ADIPOR2: variants seen among roughly 807,000 people sequenced by gnomAD.
The protein encoded by ADIPOR2 is adiponectin receptor 2.
ADIPOR2 carries 18 observed loss-of-function variants against 40.9 expected under a neutral mutation model. The observed-to-expected ratio is 0.44, with a 90% confidence interval of 0.30 to 0.65. ADIPOR2 has a LOEUF of 0.65. Ranked by LOEUF, ADIPOR2 falls within the 30% of genes least tolerant of loss-of-function variation. The probability of loss-of-function intolerance (pLI) is 0.09; values close to 1 mark genes in which losing one functional copy is unlikely to be tolerated. For synonymous variants in ADIPOR2, 165 were observed against 166.4 expected (o/e 0.99, Z 0.06); for missense variants, 283 against 479.2 (o/e 0.59, Z 3.82).
chr12:1,735,154 G>A (rs138584247), intron 1 of ADIPOR2, among the ~76,000 whole-genome samples: 2,292 of 152,174 alleles, frequency 0.015, 23 homozygotes, highest in Middle Eastern at 0.054. Context: ...AGCTTGATGG[G>A]GATGGCATTG....
At chr12:1,731,660 C>A (rs1389638923) in intron 1 of ADIPOR2, among the ~76,000 whole-genome samples, 1 of 152,122 alleles carries the variant, frequency 6.6e-6, no homozygotes, top group East Asian at 1.9e-4. Flanking sequence ...TAGCATATAT[C>A]AAAATTTTAT....
intron 1 of ADIPOR2, among the ~76,000 whole-genome samples, chr12:1,720,770 C>G (rs2094696326): frequency 1.3e-5 from 2 of 152,122 alleles, no homozygotes; most frequent in Admixed American, 1.3e-4. Context: ...GTTGGGGACC[C>G]CTGCTGTATA....
intron 1 of ADIPOR2, among the ~76,000 whole-genome samples, chr12:1,744,838 T>C (rs1343059744): frequency 6.6e-6 from 1 of 152,254 alleles, no homozygotes; most frequent in African/African-American, 2.4e-5. Flanking sequence ...AACTTTATTC[T>C]CAATATAAGC....
chr12:1,742,052 G>C (rs1243148735), intron 1 of ADIPOR2, among the ~76,000 whole-genome samples: 1 of 151,266 alleles, frequency 6.6e-6, no homozygotes. Context: ...CTCCCAATGA[G>C]GAGTCAGAGA....
rs769648929 is a variant in ADIPOR2, at chr12:1,749,590, C to T, written c.-86-4668C>T. Among the ~76,000 whole-genome samples, 23 of 152,180 alleles carry T rather than the reference C, an allele frequency of 1.5e-4. 1 individual carries two copies. Among genetic ancestry groups the T allele is most frequent in the Non-Finnish European group, 2.6e-4 (18 of 68,028 alleles). ...TACTCTATGTGTGTATTCTTTTGCT[C>T]ATACCAACACAGTCTTGACTAGCTA... On this transcript the variant is annotated intron_variant, in intron 1 of 7. Coordinates refer to ENST00000357103, the MANE Select transcript of ADIPOR2 (RefSeq NM_024551.3).
intron 1 of ADIPOR2, among the ~76,000 whole-genome samples, chr12:1,705,300 C>T (rs1022653977): frequency 1.3e-5 from 2 of 152,068 alleles, no homozygotes; most frequent in South Asian, 2.1e-4. Context: ...ATATATAATC[C>T]TAGATTTTTC....
intron 2 of ADIPOR2, among the ~76,000 whole-genome samples, chr12:1,770,612 C>G (rs1030206779): frequency 6.6e-6 from 1 of 152,082 alleles, no homozygotes; most frequent in Admixed American, 6.5e-5. Context: ...TGAAAGTCTC[C>G]TAGAGCATTT....
At chr12:1,705,516 C>T (rs1375466671) in intron 1 of ADIPOR2, among the ~76,000 whole-genome samples, 2 of 152,154 alleles carry the variant, frequency 1.3e-5, no homozygotes, top group African/African-American at 4.8e-5. Context: ...AATTACAAAA[C>T]ATTGTATAAA....
chr12:1,773,605 T>G (rs1862531007), intron 3 of ADIPOR2, among the ~76,000 whole-genome samples: 1 of 151,718 alleles, frequency 6.6e-6, no homozygotes, highest in Admixed American at 6.6e-5. Flanking sequence ...TTGTAGGTAC[T>G]TGATCAATCA....
At chr12:1,727,975 A>G (rs2094711368) in intron 1 of ADIPOR2, among the ~76,000 whole-genome samples, 1 of 152,036 alleles carries the variant, frequency 6.6e-6, no homozygotes, top group Non-Finnish European at 1.5e-5. Flanking sequence ...CTACCCAGAG[A>G]TATTGAAGGA....
chr12:1,768,488 A>G lies in ADIPOR2; in HGVS notation c.172-4354A>G, dbSNP rs116349627. ...ATTTATTTGGCTAATTTAGCACTTTATTAGATTGTAAGTCCATGGAAGACA... is the reference window on the plus strand; with the variant it reads ...ATTTATTTGGCTAATTTAGCACTTTGTTAGATTGTAAGTCCATGGAAGACA... On this transcript the variant is annotated intron_variant, in intron 2 of 7. Coordinates refer to ENST00000357103, the MANE Select transcript of ADIPOR2 (RefSeq NM_024551.3). 6.1e-4 allele frequency among the ~76,000 whole-genome samples: 93 copies of G among 152,148 alleles called. 1 individual carries two copies. The highest frequency in any genetic ancestry group is 2.1e-3 in the African/African-American group (89 of 41,492).
At chr12:1,762,580 T>C (rs1287602966) in intron 2 of ADIPOR2, among the ~76,000 whole-genome samples, 1 of 152,264 alleles carries the variant, frequency 6.6e-6, no homozygotes, top group East Asian at 1.9e-4. Context: ...ACTATTTAGA[T>C]GCTTAGGGAA....
intron 1 of ADIPOR2, among the ~76,000 whole-genome samples, chr12:1,734,246 A>G (rs11061955): frequency 0.045 from 6,777 of 152,108 alleles, 250 homozygotes; most frequent in East Asian, 0.18. Flanking sequence ...AAGTGTTCCT[A>G]TTTCTCCACA....
chr12:1,735,310 C>T (rs900242636), intron 1 of ADIPOR2, among the ~76,000 whole-genome samples: 22 of 152,146 alleles, frequency 1.4e-4, no homozygotes, highest in Admixed American at 1.3e-3. Context: ...AGGTCCTTCA[C>T]GTCCCTTGTA....
chr12:1,705,067 T>G (rs767016025), intron 1 of ADIPOR2, among the ~76,000 whole-genome samples: 5 of 152,162 alleles, frequency 3.3e-5, no homozygotes, highest in African/African-American at 4.8e-5. Context: ...ATATGTGAGA[T>G]GAGATAGAGC....
chr12:1,725,891 AATTT>A (rs1229245528), intron 1 of ADIPOR2, among the ~76,000 whole-genome samples: 1 of 152,184 alleles, frequency 6.6e-6, no homozygotes, highest in Non-Finnish European at 1.5e-5. Flanking sequence ...TTTATTCATT[AATTT>A]ATTCATTCAC....
At chr12:1,703,936 A>G (rs2154441489) in intron 1 of ADIPOR2, among the ~76,000 whole-genome samples, 1 of 147,744 alleles carries the variant, frequency 6.8e-6, no homozygotes, top group South Asian at 2.2e-4. Context: ...CTGGTCTCAA[A>G]CTCCTGGCCT....
Position 1,784,098 on chromosome 12 carries a change from G to A in ADIPOR2, c.1032+25G>A. On this transcript the variant is annotated intron_variant, in intron 7 of 7. Coordinates refer to ENST00000357103, the MANE Select transcript of ADIPOR2 (RefSeq NM_024551.3). ...GGTAAGTATGTCGGGGTGACTGAGT[G>A]TGTAGGTATCTGCTCATGAGTTATT... The A allele has an allele frequency of 1.3e-6, 2 of 1,539,148 alleles. 1 individual carries two copies. The highest frequency in any genetic ancestry group is 2.5e-5 in the South Asian group (2 of 79,814).
At chr12:1,726,557 G>C (rs2094708414) in intron 1 of ADIPOR2, among the ~76,000 whole-genome samples, 3 of 152,154 alleles carry the variant, frequency 2.0e-5, no homozygotes, top group African/African-American at 7.2e-5. Flanking sequence ...TGGTGTGACG[G>C]TATTTGAGAG....
Sources: gnomAD v4.1 joint callset for allele counts (sites outside exome capture counted in the v4.1 genomes callset) on GRCh38, gnomAD v4.1.1 for gene constraint, MANE v1.5 for transcripts, NCBI Gene and HGNC (gene_info 2026-07-23, HGNC 2026-07-21) for gene names.